ARHGAP25: variants seen among roughly 807,000 people sequenced by gnomAD.
ARHGAP25 encodes the protein Rho GTPase activating protein 25, also known as rho GTPase-activating protein 25.
Under a neutral mutation model 71.0 loss-of-function variants are expected in ARHGAP25, and 34 were observed. The observed-to-expected ratio is 0.48, with a 90% confidence interval of 0.36 to 0.64. ARHGAP25 has a LOEUF of 0.64. ARHGAP25 is among the 30% of genes least tolerant of loss of function. The probability of loss-of-function intolerance (pLI) is 0.00; values close to 1 mark genes in which losing one functional copy is unlikely to be tolerated. For synonymous variants in ARHGAP25, 282 were observed against 296.5 expected (o/e 0.95, Z 0.50); for missense variants, 706 against 805.1 (o/e 0.88, Z 1.49).
intron 2 of ARHGAP25, among the ~76,000 whole-genome samples, chr2:68,723,708 A>T (rs1674818469): frequency 6.6e-6 from 1 of 152,216 alleles, no homozygotes; most frequent in African/African-American, 2.4e-5. Context: ...CTAGCAGAGT[A>T]TACCAACGTG....
intron 3 of ARHGAP25, among the ~76,000 whole-genome samples, chr2:68,784,901 G>T (rs2104396068): frequency 6.6e-6 from 1 of 152,348 alleles, no homozygotes; most frequent in East Asian, 1.9e-4. Flanking sequence ...TGAGGTGGTT[G>T]ATTGATTATT....
At chr2:68,812,285 T>A (rs11903226) in intron 5 of ARHGAP25, among the ~76,000 whole-genome samples, 38,638 of 152,074 alleles carry the variant, frequency 0.25, 6,046 homozygotes, top group East Asian at 0.43. Context: ...TTCCCCCAGC[T>A]ATTTAAAAAT....
intron 4 of ARHGAP25, among the ~76,000 whole-genome samples, chr2:68,790,658 A>G (rs547561789): frequency 6.6e-6 from 1 of 152,196 alleles, no homozygotes; most frequent in East Asian, 1.9e-4. Flanking sequence ...CACCACCTTC[A>G]CTACTACCAC....
chr2:68,775,224 G>A lies in ARHGAP25; in HGVS notation c.65G>A (p.Arg22Gln), dbSNP rs1466747055. The A allele has an allele frequency of 6.2e-7, 1 of 1,614,226 alleles. No individual in the cohort carries two copies. Among genetic ancestry groups the A allele is most frequent in the Non-Finnish European group, 8.5e-7 (1 of 1,180,044 alleles). The change falls in exon 2 of 11, where the codon CGG becomes CAG. Residue 22 changes from arginine (R) to glutamine (Q), a missense_variant. Coordinates refer to ENST00000409202, the MANE Select transcript of ARHGAP25 (RefSeq NM_001007231.3). ...NLKVEAAKIARSRSVMTGEQM... is the reference protein window; with the variant it reads ...NLKVEAAKIAQSRSVMTGEQM... ...GCCTGTCTGTTCCTCTCTATAGCTCGGTCAAGGAGTGTGATGACTGGCGAG... is the reference window on the plus strand; with the variant it reads ...GCCTGTCTGTTCCTCTCTATAGCTCAGTCAAGGAGTGTGATGACTGGCGAG...
At chr2:68,743,599 G>A (rs757242884) in intron 1 of ARHGAP25, among the ~76,000 whole-genome samples, 1 of 152,210 alleles carries the variant, frequency 6.6e-6, no homozygotes, top group Non-Finnish European at 1.5e-5. Context: ...TTATTAGTGA[G>A]TGAGGAATCT....
At chr2:68,816,215 C>A (rs1681222588) in intron 6 of ARHGAP25, 74 bp from the exon 7 acceptor site, 2 of 1,262,566 alleles carry the variant, frequency 1.6e-6, no homozygotes, top group African/African-American at 1.5e-5. Context: ...CAATTCTGTC[C>A]CAGGGTCTCC....
intron 9 of ARHGAP25, among the ~76,000 whole-genome samples, chr2:68,821,808 A>T (rs2103719869): frequency 6.6e-6 from 1 of 151,876 alleles, no homozygotes; most frequent in South Asian, 2.1e-4. Flanking sequence ...GCCCATAATT[A>T]CATTGGTTGT....
In ARHGAP25 at chr2:68,787,826, A is replaced by C; in HGVS notation, c.350-14A>C. 1 of 1,608,580 alleles carries C rather than the reference A, an allele frequency of 6.2e-7. No individual in the cohort carries two copies. The highest frequency in any genetic ancestry group is 8.5e-7 in the Non-Finnish European group (1 of 1,174,900). On this transcript the variant is annotated splice_polypyrimidine_tract_variant and intron_variant, in intron 3 of 10. Transcript: ENST00000409202. The stretch of plus-strand genomic sequence containing the variant: ...TCACTCTAAGACCTTCACAAGTGCT[A>C]ATTCTTCCTCCAGCCTCATGGGACC...
At chr2:68,728,546 T>C (rs1316772406) in intron 2 of ARHGAP25, among the ~76,000 whole-genome samples, 1 of 152,186 alleles carries the variant, frequency 6.6e-6, no homozygotes, top group Non-Finnish European at 1.5e-5. Flanking sequence ...TTGAAAATAA[T>C]TTTTAATAAA....
chr2:68,824,831 G>C (rs1681997097), intron 10 of ARHGAP25, among the ~76,000 whole-genome samples: 1 of 152,172 alleles, frequency 6.6e-6, no homozygotes, highest in African/African-American at 2.4e-5. Context: ...TCTGAAGATG[G>C]ATTGTTACCC....
At chr2:68,718,588 TA>T (rs1674677160) in intron 2 of ARHGAP25, among the ~76,000 whole-genome samples, 1 of 150,276 alleles carries the variant, frequency 6.7e-6, no homozygotes, top group Non-Finnish European at 1.5e-5. Context: ...CCTAGACAGA[TA>T]GATAGGTACA....
chr2:68,776,861 G>A (rs1677957494), intron 2 of ARHGAP25, among the ~76,000 whole-genome samples: 1 of 152,116 alleles, frequency 6.6e-6, no homozygotes, highest in Non-Finnish European at 1.5e-5. Flanking sequence ...GTAGATATTG[G>A]GGGTGGGTGG....
intron 5 of ARHGAP25, among the ~76,000 whole-genome samples, chr2:68,808,065 G>A (rs1360473078): frequency 6.6e-6 from 1 of 152,004 alleles, no homozygotes; most frequent in East Asian, 1.9e-4. Context: ...GCCCTGTTTG[G>A]GGCATATCAG....
chr2:68,789,444 C>G (rs1052943228), intron 4 of ARHGAP25, among the ~76,000 whole-genome samples: 1 of 152,188 alleles, frequency 6.6e-6, no homozygotes, highest in Non-Finnish European at 1.5e-5. Context: ...ACATTAGCTT[C>G]TCAAAGCAAC....
chr2:68,793,529 G>A (rs1679334902), intron 4 of ARHGAP25, among the ~76,000 whole-genome samples: 1 of 152,042 alleles, frequency 6.6e-6, no homozygotes, highest in Admixed American at 6.6e-5. Flanking sequence ...TATTGAAAAG[G>A]GTGTCTTTTC....
At chr2:68,750,234 C>T (rs1046496199) in intron 1 of ARHGAP25, among the ~76,000 whole-genome samples, 6 of 150,072 alleles carry the variant, frequency 4.0e-5, no homozygotes, top group Admixed American at 2.7e-4. Flanking sequence ...TGGTCTTGGA[C>T]TCCTGGCCCC....
intron 6 of ARHGAP25, chr2:68,816,004 C>T: frequency 2.3e-6 from 1 of 437,784 alleles, no homozygotes; most frequent in Non-Finnish European, 4.3e-6. Context: ...AGTTGTTAAA[C>T]AGTCCTTCCT....
rs1325170330 is a variant in ARHGAP25 at position 68,817,922 on chromosome 2, G to T, written c.931G>T (p.Asp311Tyr). 11 of 1,613,974 alleles carry T rather than the reference G, an allele frequency of 6.8e-6. No individual in the cohort carries two copies. Among genetic ancestry groups the T allele is most frequent in the Non-Finnish European group, 9.3e-6 (11 of 1,179,988 alleles). Residue 311 changes from aspartate (D) to tyrosine (Y), a missense_variant, in exon 8 of 11, where the codon GAC (aspartate) becomes TAC (tyrosine). Coordinates refer to ENST00000409202, the MANE Select transcript of ARHGAP25 (RefSeq NM_001007231.3). ...CTGTGCTGTTAACAAGATGAGTGTG[G>T]ACAACCTGGCTACTGTGATTGGTGT... ...LNCAVNKMSV[D>Y]NLATVIGVNL...
chr2:68,747,305 G>A (rs1337230269), intron 1 of ARHGAP25, among the ~76,000 whole-genome samples: 1 of 152,134 alleles, frequency 6.6e-6, no homozygotes, highest in Non-Finnish European at 1.5e-5. Flanking sequence ...ACAATGAAGT[G>A]TCCCAAGCAG....
Sources: gnomAD v4.1 joint callset for allele counts (sites outside exome capture counted in the v4.1 genomes callset) on GRCh38, gnomAD v4.1.1 for gene constraint, MANE v1.5 for transcripts, NCBI Gene and HGNC (gene_info 2026-07-23, HGNC 2026-07-21) for gene names.